The following NCAM2 variants were observed in gnomAD, a reference collection of about 807,000 sequenced individuals.
The protein encoded by NCAM2 is N-CAM-2.
A neutral mutation model predicts 98.1 loss-of-function variants in NCAM2; 30 were observed. The ratio of observed to expected loss-of-function variants is 0.31; its 90% CI spans 0.23 to 0.41. The LOEUF (loss-of-function observed/expected upper bound fraction) is 0.41, where lower values mean the gene tolerates loss of function less well. NCAM2 is among the 10% of genes least tolerant of loss of function. NCAM2 has a pLI of 1.00. For missense variants in NCAM2, 867 were observed against 1,005.8 expected (o/e 0.86, Z 1.87); for synonymous variants, 368 against 342.4 (o/e 1.07, Z -0.83).
At chr21:21,426,877 T>C (rs937924978) in intron 11 of NCAM2, among the ~76,000 whole-genome samples, 19 of 152,236 alleles carry the variant, frequency 1.2e-4, no homozygotes, top group African/African-American at 4.6e-4. Context: ...CAATTTCTTA[T>C]GATAAACAGG....
At chr21:21,088,829 G>A (rs1003383568) in intron 1 of NCAM2, among the ~76,000 whole-genome samples, 2 of 152,048 alleles carry the variant, frequency 1.3e-5, no homozygotes, top group African/African-American at 2.4e-5. Flanking sequence ...AAAATTAGCC[G>A]GGCGTGGTGG....
At chr21:21,295,169 T>C (rs1435346741) in intron 5 of NCAM2, among the ~76,000 whole-genome samples, 8 of 151,850 alleles carry the variant, frequency 5.3e-5, no homozygotes, top group Non-Finnish European at 1.0e-4. Flanking sequence ...ATCTTGGCCT[T>C]GTAGGAGGAC....
intron 1 of NCAM2, among the ~76,000 whole-genome samples, chr21:21,127,447 T>G (rs13052437): frequency 0.37 from 56,019 of 151,938 alleles, 11,742 homozygotes; most frequent in Non-Finnish European, 0.48. Context: ...ATTATTTATT[T>G]ATTTGTTTTG....
chr21:21,043,290 A>G (rs2064941894), intron 1 of NCAM2, among the ~76,000 whole-genome samples: 1 of 152,196 alleles, frequency 6.6e-6, no homozygotes, highest in African/African-American at 2.4e-5. Context: ...CTAATATGGA[A>G]TTATAGTAAC....
intron 9 of NCAM2, among the ~76,000 whole-genome samples, chr21:21,378,966 T>A (rs910671438): frequency 2.0e-5 from 3 of 152,050 alleles, no homozygotes; most frequent in African/African-American, 7.2e-5. Context: ...ACGGTTCGTG[T>A]TTTTTCTGAA....
intron 1 of NCAM2, among the ~76,000 whole-genome samples, chr21:21,125,686 A>G (rs1190383941): frequency 9.1e-6 from 1 of 110,478 alleles, no homozygotes; most frequent in African/African-American, 3.1e-5. Flanking sequence ...AGAGATATAT[A>G]TGTAATAATA....
At chr21:21,341,917 G>C (rs1208480770) in intron 8 of NCAM2, among the ~76,000 whole-genome samples, 1 of 152,096 alleles carries the variant, frequency 6.6e-6, no homozygotes, top group African/African-American at 2.4e-5. Context: ...TTGACTGAGG[G>C]GGACAATGGT....
intron 10 of NCAM2, among the ~76,000 whole-genome samples, chr21:21,416,025 T>C (rs953610205): frequency 3.3e-5 from 5 of 152,216 alleles, no homozygotes; most frequent in African/African-American, 1.2e-4. Context: ...GCAATAGGCT[T>C]CTGTTTTAGC....
intron 16 of NCAM2, among the ~76,000 whole-genome samples, chr21:21,530,107 A>AATTTAATTTAATTTAATTATATATG (rs1989551094): frequency 7.2e-6 from 1 of 138,444 alleles, no homozygotes; most frequent in African/African-American, 2.7e-5. Context: ...AATTATATAT[A>AATTTAATTTAATTTAATTATATATG]ATTTAATTTA....
intron 16 of NCAM2, among the ~76,000 whole-genome samples, chr21:21,516,152 C>G (rs1169773499): frequency 6.6e-6 from 1 of 152,042 alleles, no homozygotes; most frequent in East Asian, 1.9e-4. Context: ...CCCAAAGAAC[C>G]ACATCTACAG....
intron 10 of NCAM2, among the ~76,000 whole-genome samples, chr21:21,411,069 T>TATATAC (rs1279301831): frequency 0.073 from 2,395 of 32,788 alleles, 368 homozygotes; most frequent in Non-Finnish European, 0.11. Flanking sequence ...TATATATATA[T>TATATAC]ACACACACAT....
chr21:21,039,628 A>G (rs768713757), intron 1 of NCAM2, among the ~76,000 whole-genome samples: 7 of 152,204 alleles, frequency 4.6e-5, no homozygotes, highest in Non-Finnish European at 7.3e-5. Context: ...CTATATTCAA[A>G]TGTGTGCATA....
chr21:21,524,038 C>CCACACACA lies in NCAM2; in HGVS notation c.2283-10484_2283-10477dup, dbSNP rs35446366. Among the ~76,000 whole-genome samples the CCACACACA allele has an allele frequency of 4.7e-5, 7 of 148,592 alleles. No individual in the cohort carries two copies. The South Asian group carries it at 1.5e-3, about 32-fold the overall frequency. On this transcript the variant is annotated intron_variant, in intron 16 of 17. Coordinates refer to ENST00000400546, the MANE Select transcript of NCAM2 (RefSeq NM_004540.5). ...AAAACGAGACCCAACCAGATATTGTCCACACACACACACACACACACAATA... is the reference window on the plus strand; with the variant it reads ...AAAACGAGACCCAACCAGATATTGTCCACACACACACACACACACACACACACACAATA...
At chr21:21,284,673 A>G (rs2147518926) in intron 3 of NCAM2, among the ~76,000 whole-genome samples, 1 of 151,804 alleles carries the variant, frequency 6.6e-6, no homozygotes, top group East Asian at 1.9e-4. Context: ...GTATATAGAG[A>G]ATAGTGGTTT....
At chr21:21,296,641 A>G (rs917025660) in intron 5 of NCAM2, among the ~76,000 whole-genome samples, 1 of 151,656 alleles carries the variant, frequency 6.6e-6, no homozygotes, top group East Asian at 2.0e-4. Flanking sequence ...AGAGCAAGGG[A>G]GTTGACACAA....
At chr21:21,137,880 T>C (rs1480966133) in intron 1 of NCAM2, among the ~76,000 whole-genome samples, 1 of 152,024 alleles carries the variant, frequency 6.6e-6, no homozygotes, top group African/African-American at 2.4e-5. Context: ...TTTGTGTTCC[T>C]TGTATGACTT....
chr21:21,041,966 C>A (rs889491446), intron 1 of NCAM2, among the ~76,000 whole-genome samples: 37 of 152,266 alleles, frequency 2.4e-4, no homozygotes, highest in African/African-American at 7.7e-4. Flanking sequence ...ACACAATAAC[C>A]AATTTGTAAC....
chr21:21,486,533 G>T (rs1474028838), intron 15 of NCAM2, among the ~76,000 whole-genome samples: 3 of 151,996 alleles, frequency 2.0e-5, no homozygotes, highest in Admixed American at 6.6e-5. Flanking sequence ...TGTAGAAGGC[G>T]TTGATAAAAA....
intron 11 of NCAM2, among the ~76,000 whole-genome samples, chr21:21,423,145 T>C (rs1406115249): frequency 6.6e-6 from 1 of 152,202 alleles, no homozygotes; most frequent in African/African-American, 2.4e-5. Flanking sequence ...AATCACACCT[T>C]TGTTTCATTA....
Sources: allele counts gnomAD v4.1 joint callset (sites outside exome capture counted in the v4.1 genomes callset), GRCh38; gene constraint gnomAD v4.1.1; transcripts MANE v1.5; gene names NCBI Gene and HGNC (gene_info 2026-07-23, HGNC 2026-07-21).